The following SAMD12 variants were observed in gnomAD, a reference collection of about 807,000 sequenced individuals.
The protein encoded by SAMD12 is sterile alpha motif domain containing 12.
In SAMD12, 9 loss-of-function variants were observed where a neutral mutation model predicts 15.0. The ratio of observed to expected loss-of-function variants is 0.60; its 90% CI spans 0.36 to 1.05. The LOEUF (loss-of-function observed/expected upper bound fraction) is 1.05. Among genes scored for constraint, SAMD12 ranks in the 50% least tolerant of loss-of-function variants. SAMD12 has a pLI of 0.01. For missense variants in SAMD12, 230 were observed against 234.2 expected (o/e 0.98, Z 0.12); for synonymous variants, 86 against 90.1 (o/e 0.96, Z 0.25).
chr8:118,149,671 C>A, the SAMD12 span, among the ~76,000 whole-genome samples: 9 of 152,056 alleles, frequency 5.9e-5, no homozygotes, highest in Non-Finnish European at 1.0e-4. Flanking sequence ...CAAAAATTTT[C>A]TTCTATGTTT....
At chr8:118,563,656 G>A (rs1826770534) in intron 2 of SAMD12, among the ~76,000 whole-genome samples, 1 of 152,190 alleles carries the variant, frequency 6.6e-6, no homozygotes, top group Non-Finnish European at 1.5e-5. Flanking sequence ...AGTGGACTGA[G>A]AAGGAAAAAT....
At chr8:118,450,188 C>A (rs538884588) in intron 2 of SAMD12, among the ~76,000 whole-genome samples, 116 of 152,266 alleles carry the variant, frequency 7.6e-4, no homozygotes, top group Non-Finnish European at 1.3e-3. Flanking sequence ...GATCTGCTGG[C>A]CCCCAAACAC....
intron 4 of SAMD12, among the ~76,000 whole-genome samples, chr8:118,209,006 G>T (rs1355591988): frequency 6.6e-6 from 1 of 152,188 alleles, no homozygotes; most frequent in African/African-American, 2.4e-5. Flanking sequence ...ACATTCTGAA[G>T]TGCGGATGAT....
chr8:118,412,141 C>T (rs1435846772), intron 3 of SAMD12, among the ~76,000 whole-genome samples: 3 of 152,174 alleles, frequency 2.0e-5, no homozygotes, highest in African/African-American at 7.2e-5. Context: ...CAGTAATGGG[C>T]CGTGATCATA....
At chr8:118,415,109 G>A (rs1324852091) in intron 3 of SAMD12, among the ~76,000 whole-genome samples, 1 of 152,096 alleles carries the variant, frequency 6.6e-6, no homozygotes, top group African/African-American at 2.4e-5. Context: ...CCTCCAGGGC[G>A]AGTATCCTAC....
chr8:118,610,108 G>T (rs1194869462), intron 1 of SAMD12, among the ~76,000 whole-genome samples: 3 of 152,144 alleles, frequency 2.0e-5, no homozygotes, highest in Admixed American at 6.5e-5. Flanking sequence ...TACACTAATT[G>T]TGTGCTGGGG....
At position 118,317,391 on chromosome 8, in the gene SAMD12, G is replaced by A. The variant is rs555675240; in HGVS notation, c.433+62169C>T. 5.9e-5 allele frequency among the ~76,000 whole-genome samples: 9 copies of A among 152,254 alleles called. No homozygotes were observed. The South Asian group carries it at 1.9e-3, about 32-fold the overall frequency. On this transcript the variant is annotated intron_variant, in intron 4 of 4. Transcript: ENST00000409003. ...CCCAAACTGGAAACTACTTAAATAC[G>A]AGAATTATGGAATGCATAAATAAAC...
chr8:118,418,080 C>A (rs1398794596), intron 3 of SAMD12, among the ~76,000 whole-genome samples: 4 of 152,264 alleles, frequency 2.6e-5, no homozygotes, highest in African/African-American at 9.6e-5. Flanking sequence ...TTCCTTCGTG[C>A]CTACCGTCTG....
At chr8:118,282,283 G>A (rs1396776252) in intron 4 of SAMD12, 1 of 456,238 alleles carries the variant, frequency 2.2e-6, no homozygotes, top group Non-Finnish European at 4.4e-6. Flanking sequence ...GGTCATTTAA[G>A]TGCAAGTGCC....
chr8:118,177,287 C>T, the SAMD12 span, among the ~76,000 whole-genome samples: 1 of 149,812 alleles, frequency 6.7e-6, no homozygotes, highest in Non-Finnish European at 1.5e-5. Flanking sequence ...GTCACCCAGG[C>T]TAAAGTGCAG....
At chr8:118,522,117 C>G (rs1825402718) in intron 2 of SAMD12, among the ~76,000 whole-genome samples, 1 of 151,536 alleles carries the variant, frequency 6.6e-6, no homozygotes, top group African/African-American at 2.4e-5. Context: ...CTTATAGTGT[C>G]CAGCACAGTG....
chr8:118,342,281 AAG>A (rs1817411785), intron 4 of SAMD12, among the ~76,000 whole-genome samples: 1 of 130,338 alleles, frequency 7.7e-6, no homozygotes. Context: ...GCGACAGAGC[AAG>A]ACTTTGTCTC....
intron 2 of SAMD12, among the ~76,000 whole-genome samples, chr8:118,468,824 A>G (rs550522200): frequency 6.6e-6 from 1 of 152,324 alleles, no homozygotes; most frequent in East Asian, 1.9e-4. Flanking sequence ...AGGGAGGTAC[A>G]AAAAGCAATT....
intron 2 of SAMD12, among the ~76,000 whole-genome samples, chr8:118,562,640 G>A (rs538280686): frequency 2.0e-5 from 3 of 152,228 alleles, no homozygotes; most frequent in South Asian, 2.1e-4. Context: ...TTGACTTTAC[G>A]GACTACAGTT....
chr8:118,581,982 A>G (rs1827307119), intron 1 of SAMD12, among the ~76,000 whole-genome samples: 1 of 152,012 alleles, frequency 6.6e-6, no homozygotes, highest in Non-Finnish European at 1.5e-5. Context: ...CTTTCTCAGC[A>G]TTCTTCCCCT....
chr8:118,454,612 T>G (rs1169054429), intron 2 of SAMD12, among the ~76,000 whole-genome samples: 1 of 151,818 alleles, frequency 6.6e-6, no homozygotes, highest in Admixed American at 6.6e-5. Context: ...TTAAAAAAGT[T>G]TTTATTTTTA....
chr8:118,422,992 G>A (rs549941914), intron 3 of SAMD12, among the ~76,000 whole-genome samples: 1 of 152,166 alleles, frequency 6.6e-6, no homozygotes, highest in East Asian at 1.9e-4. Context: ...TGGGCAACAC[G>A]GTGAAAACCT....
intron 2 of SAMD12, among the ~76,000 whole-genome samples, chr8:118,510,936 G>A (rs1825063599): frequency 6.6e-6 from 1 of 152,178 alleles, no homozygotes; most frequent in East Asian, 1.9e-4. Context: ...ATTACAGCTT[G>A]AAGTTTCTCA....
chr8:118,283,559 G>T (rs948965990), intron 4 of SAMD12, among the ~76,000 whole-genome samples: 1 of 152,096 alleles, frequency 6.6e-6, no homozygotes, highest in Non-Finnish European at 1.5e-5. Flanking sequence ...ATCTGAATCG[G>T]CACATAAGAT....
Sources: allele counts gnomAD v4.1 joint callset (sites outside exome capture counted in the v4.1 genomes callset), GRCh38; gene constraint gnomAD v4.1.1; transcripts MANE v1.5; gene names NCBI Gene and HGNC (gene_info 2026-07-23, HGNC 2026-07-21).